DLC1: variants seen among roughly 807,000 people sequenced by gnomAD.
DLC1 encodes the protein DLC1 Rho GTPase activating protein.
In DLC1, 54 loss-of-function variants were observed where a neutral mutation model predicts 140.3. The observed-to-expected ratio is 0.38, with a 90% CI of 0.31 to 0.48. The LOEUF (loss-of-function observed/expected upper bound fraction) is 0.48. Ranked by LOEUF, DLC1 falls within the 20% of genes least tolerant of loss-of-function variation. DLC1 has a pLI of 0.96. For missense variants in DLC1, 2,536 were observed against 1,907.0 expected (o/e 1.33, Z -6.14); for synonymous variants, 986 against 728.1 (o/e 1.35, Z -5.70).
intron 2 of DLC1, among the ~76,000 whole-genome samples, chr8:13,437,112 C>T (rs1839155469): frequency 6.6e-6 from 1 of 152,182 alleles, no homozygotes; most frequent in South Asian, 2.1e-4. Flanking sequence ...TACGTAGTTC[C>T]TACCTCTTTT....
intron 6 of DLC1, among the ~76,000 whole-genome samples, chr8:13,115,290 C>G (rs1217492537): frequency 6.6e-6 from 1 of 152,092 alleles, no homozygotes; most frequent in Non-Finnish European, 1.5e-5. Context: ...TAAAAATGTA[C>G]TTTTCAGGAA....
chr8:13,393,445 T>C, intron 4 of DLC1, 108 bp downstream of exon 4: 1 of 1,239,118 alleles, frequency 8.1e-7, no homozygotes, highest in Non-Finnish European at 1.1e-6. Flanking sequence ...TAAGTCACTA[T>C]GGCTAAGATT....
intron 4 of DLC1, among the ~76,000 whole-genome samples, chr8:13,305,580 G>A (rs775790687): frequency 3.3e-5 from 5 of 152,180 alleles, no homozygotes; most frequent in Non-Finnish European, 5.9e-5. Context: ...GTTCACACCT[G>A]TAATCCCAGA....
intron 1 of DLC1, among the ~76,000 whole-genome samples, chr8:13,578,553 T>C (rs746793002): frequency 6.6e-6 from 1 of 152,098 alleles, no homozygotes; most frequent in African/African-American, 2.4e-5. Context: ...TAGCAGGTAA[T>C]ATTAACAGGT....
rs777246595 is a variant in DLC1, at chr8:13,352,188, GGTGCACGTGGATGCGCTTGT to G, written c.1314+41345_1314+41364del. ...TTGTGATCCTTGTTGGCAGCCACAT[GGTGCACGTGGATGCGCTTGT>G]TCCGAACACACGCACGGCCCTCTCG... On this transcript the variant is annotated intron_variant, in intron 4 of 17. Transcript: ENST00000276297. 1.9e-3 allele frequency among the ~76,000 whole-genome samples: 292 copies of G among 152,292 alleles called. 1 individual carries two copies. Among genetic ancestry groups the G allele is most frequent in the Non-Finnish European group, 2.6e-3 (178 of 68,018 alleles).
chr8:13,579,315 T>A (rs1804962684), intron 1 of DLC1, among the ~76,000 whole-genome samples: 1 of 10,668 alleles, frequency 9.4e-5, no homozygotes, highest in Non-Finnish European at 1.6e-4. Flanking sequence ...AGGTCTGACT[T>A]TATATATATA....
intron 4 of DLC1, among the ~76,000 whole-genome samples, chr8:13,346,761 G>A (rs1356746807): frequency 6.6e-6 from 1 of 152,076 alleles, no homozygotes; most frequent in African/African-American, 2.4e-5. Flanking sequence ...CCTGTTATTG[G>A]CTCTCTTGCT....
At chr8:13,572,895 T>C (rs1804712240) in intron 1 of DLC1, among the ~76,000 whole-genome samples, 1 of 152,218 alleles carries the variant, frequency 6.6e-6, no homozygotes, top group Admixed American at 6.5e-5. Flanking sequence ...TGAGTAAGTT[T>C]TGAAATCATG....
At chr8:13,188,809 A>G (rs530041744) in intron 5 of DLC1, among the ~76,000 whole-genome samples, 73 of 37,836 alleles carry the variant, frequency 1.9e-3, no homozygotes, top group African/African-American at 7.8e-3. Flanking sequence ...GTGTATATAT[A>G]TATATATATA....
chr8:13,144,911 G>C (rs543863488), intron 5 of DLC1, among the ~76,000 whole-genome samples: 2 of 152,186 alleles, frequency 1.3e-5, no homozygotes, highest in African/African-American at 4.8e-5. Flanking sequence ...TCAGATCCAT[G>C]AGCAAAATAA....
chr8:13,412,267 G>C (rs1198878482), intron 2 of DLC1, among the ~76,000 whole-genome samples: 1 of 152,028 alleles, frequency 6.6e-6, no homozygotes, highest in Non-Finnish European at 1.5e-5. Flanking sequence ...TCATAAAAAA[G>C]AAATCATGAC....
chr8:13,261,787 A>G (rs965003077), intron 5 of DLC1, among the ~76,000 whole-genome samples: 1 of 152,230 alleles, frequency 6.6e-6, no homozygotes, highest in African/African-American at 2.4e-5. Context: ...TTTTGTTGGA[A>G]AGACAAAAAG....
chr8:13,294,359 C>T (rs1013000658), intron 5 of DLC1, among the ~76,000 whole-genome samples: 3 of 152,156 alleles, frequency 2.0e-5, no homozygotes, highest in Non-Finnish European at 4.4e-5. Context: ...AAATGGAACG[C>T]TCAGAAGACA....
At chr8:13,303,465 AG>A (rs1404898774) in intron 5 of DLC1, among the ~76,000 whole-genome samples, 1 of 152,178 alleles carries the variant, frequency 6.6e-6, no homozygotes, top group Admixed American at 6.5e-5. Flanking sequence ...TATGACAAAA[AG>A]GTAGTGGTTA....
At chr8:13,567,810 C>G in intron 1 of DLC1, 1 of 1,551,834 alleles carries the variant, frequency 6.4e-7, no homozygotes, top group Non-Finnish European at 8.7e-7. Context: ...ATATCAGATA[C>G]TCTGGTTTTG....
At chr8:13,139,581 G>A (rs186828556) in intron 5 of DLC1, among the ~76,000 whole-genome samples, 1 of 152,292 alleles carries the variant, frequency 6.6e-6, no homozygotes, top group East Asian at 1.9e-4. Flanking sequence ...TGAATTCTTA[G>A]TCCTGATTTG....
intron 4 of DLC1, among the ~76,000 whole-genome samples, chr8:13,380,401 T>G (rs1355812178): frequency 2.0e-5 from 3 of 152,230 alleles, no homozygotes; most frequent in Non-Finnish European, 4.4e-5. Flanking sequence ...CCATTTCATG[T>G]GTTCTAATTT....
rs1384240069 is a variant in DLC1 at position 13,514,822 on chromosome 8, C to G, written c.-346G>C. On this transcript the variant is annotated 5_prime_UTR_variant, in exon 1 of 18. Coordinates refer to ENST00000276297, the MANE Select transcript of DLC1 (RefSeq NM_182643.3). ...AAGGCAGGATCCTGTCAAGGCATTC[C>G]TAGTGACTTCTGTCTACTAAATTCA... is the stretch of plus-strand genomic sequence containing the variant. The G allele has an allele frequency of 2.5e-6, 1 of 394,078 alleles. No individual in the cohort carries two copies. The highest frequency in any genetic ancestry group is 2.1e-5 in the African/African-American group (1 of 48,526). 24.4% of individuals were successfully genotyped at this position (394,078 alleles called of 1,614,324 possible).
intron 5 of DLC1, among the ~76,000 whole-genome samples, chr8:13,212,287 T>G (rs539424966): frequency 7.2e-5 from 11 of 152,290 alleles, no homozygotes; most frequent in African/African-American, 2.6e-4. Flanking sequence ...ATATTCCTGA[T>G]CTTCCCCTAC....
Sources: allele counts gnomAD v4.1 joint callset (sites outside exome capture counted in the v4.1 genomes callset), GRCh38; gene constraint gnomAD v4.1.1; transcripts MANE v1.5; gene names NCBI Gene and HGNC (gene_info 2026-07-23, HGNC 2026-07-21).